The following ADAMTSL1 variants were observed in gnomAD, a reference collection of about 807,000 sequenced individuals.
ADAMTSL1 encodes the protein ADAMTS-like protein 1.
Under a neutral mutation model 201.8 loss-of-function variants are expected in ADAMTSL1, and 126 were observed. The observed-to-expected ratio is 0.62, with a 90% CI of 0.54 to 0.72. ADAMTSL1 has a LOEUF of 0.72. Ranked by LOEUF, ADAMTSL1 falls within the 30% of genes least tolerant of loss-of-function variation. The probability of loss-of-function intolerance (pLI) is 0.00; values close to 1 mark genes in which losing one functional copy is unlikely to be tolerated. For synonymous variants in ADAMTSL1, 1,121 were observed against 903.4 expected, an observed-to-expected ratio of 1.24 and a Z score of -4.32; for missense variants, 2,679 against 2,277.8, an observed-to-expected ratio of 1.18 and a Z score of -3.59.
At chr9:18,506,252 C>T (rs983027566) in intron 2 of ADAMTSL1, among the ~76,000 whole-genome samples, 6 of 152,176 alleles carry the variant, frequency 3.9e-5, no homozygotes, top group Non-Finnish European at 5.9e-5. Context: ...CTTGAATATA[C>T]AAAACTTCCA....
chr9:18,229,969 T>C (rs1222346506), intron 2 of ADAMTSL1, among the ~76,000 whole-genome samples: 1 of 152,150 alleles, frequency 6.6e-6, no homozygotes, highest in Non-Finnish European at 1.5e-5. Flanking sequence ...AGTGCTAGGA[T>C]TACAGGTGTG....
intron 2 of ADAMTSL1, among the ~76,000 whole-genome samples, chr9:18,446,123 G>A (rs1006202365): frequency 5.1e-4 from 78 of 152,174 alleles, no homozygotes; most frequent in African/African-American, 1.7e-3. Flanking sequence ...TCAATTGTGC[G>A]ATTACCTCTA....
intron 1 of ADAMTSL1, among the ~76,000 whole-genome samples, chr9:18,153,173 A>C (rs1227554756): frequency 6.6e-6 from 1 of 152,040 alleles, no homozygotes; most frequent in African/African-American, 2.4e-5. Flanking sequence ...CGTCATCCAC[A>C]TCCTATACTT....
intron 1 of ADAMTSL1, among the ~76,000 whole-genome samples, chr9:17,987,238 C>T (rs570702925): frequency 6.6e-6 from 1 of 152,194 alleles, no homozygotes; most frequent in East Asian, 1.9e-4. Flanking sequence ...GTATTACTAT[C>T]GTAGTGTTCA....
At chr9:18,137,181 T>G (rs1405531106) in intron 1 of ADAMTSL1, among the ~76,000 whole-genome samples, 1 of 152,192 alleles carries the variant, frequency 6.6e-6, no homozygotes, top group African/African-American at 2.4e-5. Flanking sequence ...GAAAATCTGT[T>G]GTTGCTGGAG....
At chr9:17,950,232 T>C (rs1827680543) in intron 1 of ADAMTSL1, among the ~76,000 whole-genome samples, 2 of 152,116 alleles carry the variant, frequency 1.3e-5, no homozygotes, top group Admixed American at 6.6e-5. Context: ...TTAGAGAGAC[T>C]TCAAAATTAT....
At chr9:18,841,781 G>A (rs971696156) in intron 23 of ADAMTSL1, among the ~76,000 whole-genome samples, 135 of 152,170 alleles carry the variant, frequency 8.9e-4, no homozygotes, top group Non-Finnish European at 1.6e-3. Context: ...TGTATGTGTC[G>A]AGGAATTTAT....
chr9:17,908,610 C>A (rs780622190), intron 1 of ADAMTSL1, among the ~76,000 whole-genome samples: 1 of 152,126 alleles, frequency 6.6e-6, no homozygotes, highest in Non-Finnish European at 1.5e-5. Context: ...GCATTTGCCA[C>A]GACGCCTGGC....
Position 18,206,636 on chromosome 9 carries a change from C to G in ADAMTSL1, c.207+42655C>G, listed in dbSNP as rs145093789. ...AATTATGTTACCACATCATTTTAAG[C>G]TCTCTGTAAGCTGTTTTATCCTTTC... On this transcript the variant is annotated intron_variant, in intron 2 of 29. Transcript: ENST00000680146. 2.3e-3 allele frequency among the ~76,000 whole-genome samples: 354 copies of G among 152,198 alleles called. 4 individuals are homozygous for G. Among genetic ancestry groups the G allele is most frequent in the African/African-American group, 8.3e-3 (344 of 41,540 alleles).
intron 4 of ADAMTSL1, among the ~76,000 whole-genome samples, chr9:18,582,080 G>C (rs1447452122): frequency 6.6e-6 from 1 of 152,172 alleles, no homozygotes; most frequent in Non-Finnish European, 1.5e-5. Flanking sequence ...GTTCTTTTCT[G>C]AATAACTGCA....
At chr9:17,946,122 T>C (rs975096358) in intron 1 of ADAMTSL1, among the ~76,000 whole-genome samples, 5 of 146,184 alleles carry the variant, frequency 3.4e-5, no homozygotes, top group African/African-American at 1.3e-4. Flanking sequence ...ACAAACAGAA[T>C]TGAATGAAAT....
At chr9:18,121,023 C>T (rs536789786) in intron 1 of ADAMTSL1, among the ~76,000 whole-genome samples, 1 of 152,068 alleles carries the variant, frequency 6.6e-6, no homozygotes, top group South Asian at 2.1e-4. Context: ...TTTCCCCTTA[C>T]AAGAAAATAG....
At chr9:18,042,342 T>G (rs1421174937) in intron 1 of ADAMTSL1, among the ~76,000 whole-genome samples, 1 of 152,144 alleles carries the variant, frequency 6.6e-6, no homozygotes, top group Non-Finnish European at 1.5e-5. Context: ...AATTTATGCC[T>G]AAGAGGAAAC....
intron 25 of ADAMTSL1, chr9:18,890,928 C>T (rs1321629342): frequency 6.8e-6 from 1 of 147,406 alleles, no homozygotes; most frequent in Non-Finnish European, 1.2e-5. Context: ...GCTTAATTTA[C>T]TTCTGCAAAT....
chr9:18,711,473 G>C (rs562993617), intron 14 of ADAMTSL1, among the ~76,000 whole-genome samples: 8 of 152,382 alleles, frequency 5.2e-5, no homozygotes, highest in African/African-American at 1.9e-4. Context: ...CCTAGTCAAA[G>C]AAAGGGGTGA....
chr9:18,129,271 A>G (rs1222541581), intron 1 of ADAMTSL1, among the ~76,000 whole-genome samples: 1 of 152,210 alleles, frequency 6.6e-6, no homozygotes, highest in Admixed American at 6.5e-5. Flanking sequence ...CTGGGAGTCC[A>G]TATTATCAGG....
At chr9:18,222,716 G>T (rs1587344911) in intron 2 of ADAMTSL1, among the ~76,000 whole-genome samples, 3 of 124,878 alleles carry the variant, frequency 2.4e-5, no homozygotes, top group African/African-American at 3.0e-5. Flanking sequence ...CTTTCTTCTT[G>T]AAATAAATAG....
intron 2 of ADAMTSL1, among the ~76,000 whole-genome samples, chr9:18,512,403 A>G (rs1818089255): frequency 6.6e-6 from 1 of 152,154 alleles, no homozygotes; most frequent in African/African-American, 2.4e-5. Context: ...TTGCCATATC[A>G]GGAATCTGTA....
chr9:18,801,138 T>G (rs1822772737), intron 20 of ADAMTSL1, among the ~76,000 whole-genome samples: 1 of 152,200 alleles, frequency 6.6e-6, no homozygotes, highest in African/African-American at 2.4e-5. Flanking sequence ...GCGTGCCAAC[T>G]AAACAGAATT....
Sources: gnomAD v4.1 joint callset for allele counts (sites outside exome capture counted in the v4.1 genomes callset) on GRCh38, gnomAD v4.1.1 for gene constraint, MANE v1.5 for transcripts, NCBI Gene and HGNC (gene_info 2026-07-23, HGNC 2026-07-21) for gene names.